GALNT1: variants seen among roughly 807,000 people sequenced by gnomAD.
GALNT1 encodes polypeptide N-acetylgalactosaminyltransferase 1.
GALNT1 carries 17 observed loss-of-function variants against 65.7 expected under a neutral mutation model. The ratio of observed to expected loss-of-function variants is 0.26; its 90% CI spans 0.18 to 0.39. The LOEUF (loss-of-function observed/expected upper bound fraction) is 0.39, where lower values mean the gene tolerates loss of function less well. Ranked by LOEUF, GALNT1 falls within the 10% of genes least tolerant of loss-of-function variation. The probability of loss-of-function intolerance (pLI) is 1.00; values close to 1 mark genes in which losing one functional copy is unlikely to be tolerated. For synonymous variants in GALNT1, 210 were observed against 219.7 expected (o/e 0.96, Z 0.39); for missense variants, 460 against 672.8 (o/e 0.68, Z 3.50).
At chr18:35,641,262 T>G (rs1179724623) in intron 1 of GALNT1, among the ~76,000 whole-genome samples, 1 of 152,094 alleles carries the variant, frequency 6.6e-6, no homozygotes, top group African/African-American at 2.4e-5. Context: ...CTGGCCAATA[T>G]GGTGAAACCC....
At chr18:35,629,154 T>A (rs1378870038) in intron 1 of GALNT1, among the ~76,000 whole-genome samples, 1 of 152,252 alleles carries the variant, frequency 6.6e-6, no homozygotes, top group African/African-American at 2.4e-5. Context: ...CAGGATATTA[T>A]CCAGGAGAAC....
chr18:35,639,471 G>C (rs1403877505), intron 1 of GALNT1, among the ~76,000 whole-genome samples: 1 of 152,134 alleles, frequency 6.6e-6, no homozygotes, highest in Non-Finnish European at 1.5e-5. Flanking sequence ...TTTGTACTGG[G>C]AATCCAAAAT....
At chr18:35,613,458 A>G (rs1269229007) in intron 1 of GALNT1, among the ~76,000 whole-genome samples, 1 of 152,184 alleles carries the variant, frequency 6.6e-6, no homozygotes, top group African/African-American at 2.4e-5. Flanking sequence ...AGGTAAGGAA[A>G]CTTTCCAGAG....
chr18:35,703,143 C>T, intron 10 of GALNT1, 148 bp downstream of exon 10: 1 of 553,494 alleles, frequency 1.8e-6, no homozygotes, highest in Non-Finnish European at 3.1e-6. Context: ...AGCTTTCAAT[C>T]CAGTGATTTT....
Position 35,678,671 on chromosome 18 carries a change from T to C in GALNT1, c.481+914T>C, listed in dbSNP as rs2047746102. ...GAGAAAAATTTAGAGCTACAGAAAA[T>C]AATTTCCTACTTCTTTTCTTCCTTC... On this transcript the variant is annotated intron_variant, in intron 4 of 11. Transcript: ENST00000269195. 3.3e-5 allele frequency among the ~76,000 whole-genome samples: 5 copies of C among 152,178 alleles called. No homozygotes were observed. In the South Asian group the frequency reaches 1.0e-3, roughly 31 times the overall value.
chr18:35,664,850 C>T (rs774592624), intron 3 of GALNT1, among the ~76,000 whole-genome samples: 6 of 152,236 alleles, frequency 3.9e-5, no homozygotes, highest in African/African-American at 1.4e-4. Flanking sequence ...TTGCCTCCTC[C>T]AGAGAAGAGA....
chr18:35,645,232 T>TG (rs2047215207), intron 1 of GALNT1, among the ~76,000 whole-genome samples: 1 of 133,068 alleles, frequency 7.5e-6, no homozygotes. Flanking sequence ...TTTTTTTTTT[T>TG]TTTTTTTTTT....
At chr18:35,694,812 C>T (rs533988337) in intron 9 of GALNT1, among the ~76,000 whole-genome samples, 3 of 152,098 alleles carry the variant, frequency 2.0e-5, no homozygotes, top group South Asian at 2.1e-4. Context: ...CGTGATACAA[C>T]GTACAATGGA....
chr18:35,598,085 C>T (rs1443926976), intron 1 of GALNT1, among the ~76,000 whole-genome samples: 1 of 141,024 alleles, frequency 7.1e-6, no homozygotes, highest in Admixed American at 7.3e-5. Flanking sequence ...CTCTGCTGCC[C>T]AGGGTGGAGT....
At chr18:35,648,104 AAAGGAGGGAAGGAAAG>A (rs1254829699) in intron 1 of GALNT1, among the ~76,000 whole-genome samples, 2 of 142,474 alleles carry the variant, frequency 1.4e-5, no homozygotes, top group African/African-American at 5.2e-5. Context: ...GGGAGGGAGG[AAAGGAGGGAAGGAAAG>A]AGGGAGGGAA....
intron 1 of GALNT1, among the ~76,000 whole-genome samples, chr18:35,631,614 A>G (rs1432920557): frequency 6.6e-6 from 1 of 152,218 alleles, no homozygotes; most frequent in Non-Finnish European, 1.5e-5. Context: ...TGAATGGGCA[A>G]AAACTGGAAG....
intron 1 of GALNT1, among the ~76,000 whole-genome samples, chr18:35,583,654 A>G (rs1314624343): frequency 6.6e-6 from 1 of 152,130 alleles, no homozygotes; most frequent in Non-Finnish European, 1.5e-5. Flanking sequence ...ATGCGTCTGT[A>G]GTCCTAGCTA....
chr18:35,671,344 G>T (rs1311556884), intron 3 of GALNT1, among the ~76,000 whole-genome samples: 3 of 152,148 alleles, frequency 2.0e-5, no homozygotes, highest in African/African-American at 7.2e-5. Flanking sequence ...AGCCTCCCGA[G>T]TAACAAGGAC....
chr18:35,614,129 T>A (rs2046752684), intron 1 of GALNT1, among the ~76,000 whole-genome samples: 1 of 152,186 alleles, frequency 6.6e-6, no homozygotes. Flanking sequence ...AGTTGTCAGA[T>A]ATGTAATATA....
rs752292487 is a variant in GALNT1 at position 35,691,065 on chromosome 18, T to C, written c.1032T>C (p.His344=). 2 of 1,611,320 alleles carry C rather than the reference T, an allele frequency of 1.2e-6. No homozygotes were observed. Among genetic ancestry groups the C allele is most frequent in the South Asian group, 2.2e-5 (2 of 90,466 alleles). Residue 344 remains histidine (H), a synonymous_variant, in exon 8 of 12, where the codon CAT becomes CAC. Transcript: ENST00000269195. ...LEIVTCSHVG[H]VFRKATPYTF... ...TTGTTACATGCTCACATGTTGGACA[T>C]GTGTTTCGGAAAGCTACACCTTACA...
chr18:35,651,356 C>T (rs185685383), intron 1 of GALNT1, among the ~76,000 whole-genome samples: 1 of 152,034 alleles, frequency 6.6e-6, no homozygotes, highest in Non-Finnish European at 1.5e-5. Context: ...CACCCCTTTA[C>T]CTTGAGGAAA....
intron 1 of GALNT1, among the ~76,000 whole-genome samples, chr18:35,616,606 C>T (rs2046786688): frequency 6.6e-6 from 1 of 151,930 alleles, no homozygotes; most frequent in East Asian, 1.9e-4. Flanking sequence ...ATGTTTGATT[C>T]CTTTTGCTTA....
intron 9 of GALNT1, among the ~76,000 whole-genome samples, chr18:35,693,822 C>CAAAACTGTA (rs1407893344): frequency 6.6e-6 from 1 of 151,924 alleles, no homozygotes; most frequent in Non-Finnish European, 1.5e-5. Context: ...TTTAAAGCCA[C>CAAAACTGTA]AAAACTGTAT....
rs2047978469 is a variant in GALNT1 at position 35,692,314 on chromosome 18, G to T, written c.1293G>T (p.Leu431Phe). 6.4e-7 allele frequency: 1 copy of T among 1,563,440 alleles called. No homozygotes were observed. The change falls in exon 9 of 12, where the codon TTG becomes TTT. Residue 431 changes from leucine (L) to phenylalanine (F), a missense_variant. By Grantham distance (22) the Leu-to-Phe change is conservative. Coordinates refer to ENST00000269195, the MANE Select transcript of GALNT1 (RefSeq NM_020474.4). ...AAATTCCACGTCACTATTTCTCATT[G>T]GGAGAGGTAAGAAATATATATATAT... ...DSQIPRHYFS[L>F]GEIRNVETNQ... is the part of the protein sequence containing the mutation.
Sources: allele counts gnomAD v4.1 joint callset (sites outside exome capture counted in the v4.1 genomes callset), GRCh38; gene constraint gnomAD v4.1.1; transcripts MANE v1.5; gene names NCBI Gene and HGNC (gene_info 2026-07-23, HGNC 2026-07-21).